LRMDA: variants seen among roughly 807,000 people sequenced by gnomAD.
LRMDA encodes leucine-rich melanocyte differentiation-associated protein.
LRMDA carries 18 observed loss-of-function variants against 29.8 expected under a neutral mutation model. The ratio of observed to expected loss-of-function variants is 0.60; its 90% CI spans 0.42 to 0.90. The LOEUF is 0.90. Among genes scored for constraint, LRMDA ranks in the 40% least tolerant of loss-of-function variants. The pLI, the probability that LRMDA is intolerant of heterozygous loss-of-function variation, is 0.00. For missense variants in LRMDA, 273 were observed against 273.9 expected (o/e 1.00, Z 0.02); for synonymous variants, 125 against 109.4 (o/e 1.14, Z -0.89).
At chr10:75,570,000 G>A (rs1226723524) in intron 2 of LRMDA, among the ~76,000 whole-genome samples, 1 of 152,200 alleles carries the variant, frequency 6.6e-6, no homozygotes, top group African/African-American at 2.4e-5. Context: ...CTTTTGCTTT[G>A]CTTTGGGGTG....
intron 2 of LRMDA, among the ~76,000 whole-genome samples, chr10:75,479,151 G>T (rs564214393): frequency 2.0e-5 from 3 of 152,050 alleles, no homozygotes; most frequent in African/African-American, 7.3e-5. Flanking sequence ...GGGAGGTTGC[G>T]GCCAAGTGTA....
rs36038656 is a variant in LRMDA, at chr10:76,137,772, C to CAA, written c.516+79002_516+79003dup. Among the ~76,000 whole-genome samples, 1,211 of 121,772 alleles carry CAA rather than the reference C, an allele frequency of 9.9e-3. 22 individuals are homozygous for CAA. Among genetic ancestry groups the CAA allele is most frequent in the African/African-American group, 0.036 (1,136 of 31,894 alleles). The allele number at this position is 121,772 out of a possible 152,430, so 79.9% of individuals were successfully genotyped here. On this transcript the variant is annotated intron_variant, in intron 5 of 6. Coordinates refer to ENST00000611255, the MANE Select transcript of LRMDA (RefSeq NM_001305581.2). The stretch of plus-strand genomic sequence containing the variant: ...TTTTGAAAAAACACAGTCCCTATGG[C>CAA]AAAAAAAAAAAAAACAAACAAAAAA...
At chr10:75,481,780 C>G (rs956148811) in intron 2 of LRMDA, among the ~76,000 whole-genome samples, 5 of 152,190 alleles carry the variant, frequency 3.3e-5, no homozygotes, top group Non-Finnish European at 5.9e-5. Flanking sequence ...TTCTCCCTCT[C>G]TCTGCCCAGC....
intron 5 of LRMDA, among the ~76,000 whole-genome samples, chr10:76,062,656 CTGTGTGTGTGTGTGTGTGTG>C (rs376071517): frequency 2.9e-5 from 4 of 139,282 alleles, no homozygotes; most frequent in Non-Finnish European, 6.1e-5. Context: ...CTTTATCTCT[CTGTGTGTGTGTGTGTGTGTG>C]TGTGTGTGTG....
At chr10:76,374,167 GTAC>G (rs1841488317) in intron 6 of LRMDA, among the ~76,000 whole-genome samples, 1 of 152,150 alleles carries the variant, frequency 6.6e-6, no homozygotes, top group Non-Finnish European at 1.5e-5. Flanking sequence ...AAACTCAAGT[GTAC>G]ACCATAACTA....
At chr10:75,859,162 A>G (rs192120752) in intron 2 of LRMDA, among the ~76,000 whole-genome samples, 119 of 152,300 alleles carry the variant, frequency 7.8e-4, no homozygotes, top group Admixed American at 1.5e-3. Flanking sequence ...GTGTCACATA[A>G]GTAATGAATG....
intron 5 of LRMDA, among the ~76,000 whole-genome samples, chr10:76,216,127 G>A (rs1337961253): frequency 6.6e-6 from 1 of 152,210 alleles, no homozygotes; most frequent in African/African-American, 2.4e-5. Context: ...GCCAACACAG[G>A]AAGATTGCTT....
At chr10:75,553,712 C>T (rs1156453400) in intron 2 of LRMDA, among the ~76,000 whole-genome samples, 3 of 152,132 alleles carry the variant, frequency 2.0e-5, no homozygotes, top group Admixed American at 1.3e-4. Flanking sequence ...AGTTAAAGCG[C>T]ACCTTTTAAG....
chr10:76,272,326 A>C (rs1007881055), intron 5 of LRMDA, among the ~76,000 whole-genome samples: 1 of 152,196 alleles, frequency 6.6e-6, no homozygotes, highest in Non-Finnish European at 1.5e-5. Flanking sequence ...TGTATGGGGC[A>C]TTGCTCTCAC....
chr10:75,746,235 G>A (rs184509812), intron 2 of LRMDA, among the ~76,000 whole-genome samples: 4 of 152,302 alleles, frequency 2.6e-5, no homozygotes, highest in Non-Finnish European at 2.9e-5. Context: ...AGGTCATTAC[G>A]TAAATAATTT....
chr10:75,917,123 A>C (rs1433967304), intron 2 of LRMDA, among the ~76,000 whole-genome samples: 1 of 152,228 alleles, frequency 6.6e-6, no homozygotes, highest in Non-Finnish European at 1.5e-5. Flanking sequence ...TCTGCCAAGA[A>C]GGAGGAGCAG....
intron 5 of LRMDA, among the ~76,000 whole-genome samples, chr10:76,084,020 T>G (rs554158370): frequency 1.3e-4 from 20 of 152,126 alleles, no homozygotes; most frequent in African/African-American, 4.8e-4. Flanking sequence ...GCAGAGGGCT[T>G]TGGGCTCCTG....
At chr10:76,184,466 G>A (rs1042027755) in intron 5 of LRMDA, among the ~76,000 whole-genome samples, 3 of 152,208 alleles carry the variant, frequency 2.0e-5, no homozygotes, top group Admixed American at 1.3e-4. Context: ...AGAGAAAAAT[G>A]TGTCCGACAC....
At chr10:75,580,822 G>T (rs1311847119) in intron 2 of LRMDA, among the ~76,000 whole-genome samples, 2 of 152,182 alleles carry the variant, frequency 1.3e-5, no homozygotes. Flanking sequence ...ATGGGGAAAG[G>T]ATTCCCTATT....
At chr10:75,472,914 G>A (rs1003346831) in intron 2 of LRMDA, among the ~76,000 whole-genome samples, 4 of 152,234 alleles carry the variant, frequency 2.6e-5, no homozygotes, top group East Asian at 1.9e-4. Flanking sequence ...AGAATTGAAT[G>A]ATCTGGGCTT....
chr10:76,345,747 A>C (rs1841101036), intron 6 of LRMDA, among the ~76,000 whole-genome samples: 1 of 152,158 alleles, frequency 6.6e-6, no homozygotes, highest in Admixed American at 6.5e-5. Flanking sequence ...GAATTTTCAA[A>C]GAGCAAAATA....
intron 6 of LRMDA, among the ~76,000 whole-genome samples, chr10:76,424,953 C>A (rs11001775): frequency 0.062 from 9,385 of 152,300 alleles, 373 homozygotes; most frequent in Non-Finnish European, 0.096. Context: ...ACCCATCTCT[C>A]TTTCTATTGA....
intron 2 of LRMDA, among the ~76,000 whole-genome samples, chr10:75,517,992 G>A (rs1845312238): frequency 6.6e-6 from 1 of 152,168 alleles, no homozygotes; most frequent in Admixed American, 6.5e-5. Flanking sequence ...TTATGTGATA[G>A]AAGTTACGTT....
chr10:75,534,037 GA>G (rs1402842076), intron 2 of LRMDA, among the ~76,000 whole-genome samples: 1 of 152,180 alleles, frequency 6.6e-6, no homozygotes, highest in Non-Finnish European at 1.5e-5. Flanking sequence ...GTGTCCTATA[GA>G]ACCCAGTTTC....
Sources: gnomAD v4.1 joint callset for allele counts (sites outside exome capture counted in the v4.1 genomes callset) on GRCh38, gnomAD v4.1.1 for gene constraint, MANE v1.5 for transcripts, NCBI Gene and HGNC (gene_info 2026-07-23, HGNC 2026-07-21) for gene names.